Variants in LIPA observed in about 807,000 individuals in gnomAD.
LIPA encodes the protein lysosomal acid lipase/cholesteryl ester hydrolase.
Under a neutral mutation model 40.6 loss-of-function variants are expected in LIPA, and 26 were observed. That is an observed-to-expected ratio of 0.64 (90% CI 0.47 to 0.89). The LOEUF is 0.89. LIPA is among the 40% of genes least tolerant of loss of function. LIPA has a pLI of 0.00. For synonymous variants in LIPA, 188 were observed against 168.4 expected (o/e 1.12, Z -0.90); for missense variants, 455 against 479.6 (o/e 0.95, Z 0.48).
At chr10:89,244,564 A>G (rs1843001004) in intron 3 of LIPA, among the ~76,000 whole-genome samples, 1 of 152,138 alleles carries the variant, frequency 6.6e-6, no homozygotes, top group African/African-American at 2.4e-5. Flanking sequence ...CCTGGGCAAC[A>G]AGACCGAAAA....
chr10:89,295,000 A>AGAAAG (rs1564778265), intron 1 of LIPA, among the ~76,000 whole-genome samples: 66 of 101,544 alleles, frequency 6.5e-4, no homozygotes, highest in South Asian at 5.0e-3. Context: ...AAAAAAAGGA[A>AGAAAG]GAAAGGAAAG....
Position 89,364,833 on chromosome 10 carries a change from A to G in LIPA, c.61+47958T>C, listed in dbSNP as rs61578171. On this transcript the variant is annotated intron_variant, in intron 2 of 8. Transcript: ENST00000371837. ...CTCTGTATCCAAAAATCTATAGTAAAATTAACCAAGATAACAAATTTGTGA... is the reference window on the plus strand; with the variant it reads ...CTCTGTATCCAAAAATCTATAGTAAGATTAACCAAGATAACAAATTTGTGA... Among the ~76,000 whole-genome samples, 1,376 of 152,200 alleles carry G rather than the reference A, an allele frequency of 9.0e-3. 20 individuals carry two copies. Among genetic ancestry groups the G allele is most frequent in the African/African-American group, 0.032 (1,321 of 41,542 alleles).
chr10:89,349,191 C>T (rs1340316477), intron 2 of LIPA, among the ~76,000 whole-genome samples: 1 of 152,210 alleles, frequency 6.6e-6, no homozygotes, highest in African/African-American at 2.4e-5. Context: ...ACTTGGTTCA[C>T]TGGAGAGAAC....
At chr10:89,244,816 G>A (rs967047209) in intron 3 of LIPA, among the ~76,000 whole-genome samples, 4 of 152,128 alleles carry the variant, frequency 2.6e-5, no homozygotes, top group Admixed American at 2.6e-4. Context: ...TATATTCATA[G>A]TGATAGTAAT....
intron 3 of LIPA, among the ~76,000 whole-genome samples, chr10:89,232,122 T>C (rs1244761808): frequency 6.6e-6 from 1 of 152,190 alleles, no homozygotes; most frequent in African/African-American, 2.4e-5. Context: ...AATTTATCAT[T>C]AAATTATAGT....
At chr10:89,384,943 A>G (rs1844194534) in intron 2 of LIPA, 1 of 537,716 alleles carries the variant, frequency 1.9e-6, no homozygotes, top group Non-Finnish European at 3.3e-6. Flanking sequence ...GTGGCACCAG[A>G]CATAAGACCC....
intron 9 of LIPA, 32 bp downstream of exon 9, chr10:89,215,906 G>GC: frequency 7.2e-7 from 1 of 1,390,702 alleles, no homozygotes; most frequent in Non-Finnish European, 1.0e-6. Flanking sequence ...AGTTTTCAGG[G>GC]CCCCCTTTAA....
intron 2 of LIPA, among the ~76,000 whole-genome samples, chr10:89,349,586 T>A (rs6586188): frequency 6.6e-6 from 1 of 151,960 alleles, no homozygotes; most frequent in Non-Finnish European, 1.5e-5. Flanking sequence ...GGCTGTCAGA[T>A]CATTTTCACA....
chr10:89,256,851 T>C (rs1049724595), intron 1 of LIPA, among the ~76,000 whole-genome samples: 1 of 152,236 alleles, frequency 6.6e-6, no homozygotes, highest in Non-Finnish European at 1.5e-5. Context: ...TTTCTCCTAC[T>C]TCCTGCTTTG....
At chr10:89,242,300 T>C (rs1340404189) in intron 3 of LIPA, among the ~76,000 whole-genome samples, 1 of 152,226 alleles carries the variant, frequency 6.6e-6, no homozygotes, top group Non-Finnish European at 1.5e-5. Flanking sequence ...GCTACTACTG[T>C]GCAGAATGGA....
At chr10:89,377,382 C>T (rs987253546) in intron 2 of LIPA, among the ~76,000 whole-genome samples, 1 of 152,192 alleles carries the variant, frequency 6.6e-6, no homozygotes, top group East Asian at 1.9e-4. Flanking sequence ...CCAGCTCAAA[C>T]ATTGTTGTTT....
intron 1 of LIPA, among the ~76,000 whole-genome samples, chr10:89,319,851 T>C (rs994630901): frequency 8.5e-5 from 13 of 152,092 alleles, no homozygotes; most frequent in African/African-American, 2.9e-4. Context: ...CAGCAGCACA[T>C]CAAAAAGCTT....
intron 1 of LIPA, among the ~76,000 whole-genome samples, chr10:89,291,321 G>A (rs141834916): frequency 4.0e-5 from 6 of 151,684 alleles, no homozygotes; most frequent in South Asian, 2.1e-4. Context: ...AATAGTCAAC[G>A]TGATCTACAA....
At chr10:89,365,834 T>C (rs1276620700) in intron 2 of LIPA, among the ~76,000 whole-genome samples, 1 of 152,244 alleles carries the variant, frequency 6.6e-6, no homozygotes, top group Non-Finnish European at 1.5e-5. Context: ...AAAAGTACCA[T>C]GCTGTTTTGG....
intron 2 of LIPA, among the ~76,000 whole-genome samples, chr10:89,398,957 A>G (rs955453666): frequency 3.3e-5 from 5 of 152,022 alleles, no homozygotes; most frequent in Non-Finnish European, 7.4e-5. Context: ...TTACCATACC[A>G]TTTTTCACAG....
At chr10:89,294,081 T>C (rs1204376673) in intron 1 of LIPA, among the ~76,000 whole-genome samples, 1 of 152,224 alleles carries the variant, frequency 6.6e-6, no homozygotes, top group Non-Finnish European at 1.5e-5. Flanking sequence ...AATGAATGAA[T>C]GAAACAAATA....
intron 1 of LIPA, chr10:89,338,756 T>A: frequency 6.2e-7 from 1 of 1,614,072 alleles, no homozygotes; most frequent in Non-Finnish European, 8.5e-7. Flanking sequence ...TCAAGGGATC[T>A]AGAAGATAGA....
chr10:89,343,722 G>C (rs1339949984), upstream of LIPA, among the ~76,000 whole-genome samples: 1 of 152,140 alleles, frequency 6.6e-6, no homozygotes, highest in African/African-American at 2.4e-5. Context: ...ACTTAGAGGA[G>C]CAGGGCCTGA....
intron 1 of LIPA, among the ~76,000 whole-genome samples, chr10:89,285,514 A>G (rs1424863187): frequency 6.6e-6 from 1 of 152,198 alleles, no homozygotes; most frequent in Non-Finnish European, 1.5e-5. Flanking sequence ...TTATTCACCC[A>G]CATTTCATTG....
Sources: gnomAD v4.1 joint callset for allele counts (sites outside exome capture counted in the v4.1 genomes callset) on GRCh38, gnomAD v4.1.1 for gene constraint, MANE v1.5 for transcripts, NCBI Gene and HGNC (gene_info 2026-07-23, HGNC 2026-07-21) for gene names.